Variants in CDK12 observed in about 807,000 individuals in gnomAD.
CDK12 encodes the protein cyclin dependent kinase 12.
CDK12 carries 17 observed loss-of-function variants against 133.8 expected under a neutral mutation model. The observed-to-expected ratio is 0.13, with a 90% CI of 0.09 to 0.19. The LOEUF (loss-of-function observed/expected upper bound fraction) is 0.19. CDK12 is among the 10% of genes least tolerant of loss of function. The pLI, the probability that CDK12 is intolerant of heterozygous loss-of-function variation, is 1.00. For synonymous variants in CDK12, 694 were observed against 683.6 expected (o/e 1.02, Z -0.24); for missense variants, 1,508 against 1,818.7 (o/e 0.83, Z 3.11).
chr17:39,506,537 T>C (rs1404939390), intron 6 of CDK12, among the ~76,000 whole-genome samples: 1 of 152,076 alleles, frequency 6.6e-6, no homozygotes, highest in Non-Finnish European at 1.5e-5. Flanking sequence ...TTTTATTCTT[T>C]ACACTTGTGT....
rs2049798045 is a variant in CDK12, at chr17:39,471,570, A to G, written c.1738A>G (p.Ser580Gly). The change falls in exon 2 of 14, where the codon AGT (serine) becomes GGT (glycine). Residue 580 changes from serine to glycine, a missense_variant. Coordinates refer to ENST00000447079, the MANE Select transcript of CDK12 (RefSeq NM_016507.4). ...AGCATTTAGTCAGGTTCCTGCTTCC[A>G]GTACTTCAACTTTGCCCCCTTCTAC... ...QPAFSQVPASSTSTLPPSTHS... is the reference protein window; with the variant it reads ...QPAFSQVPASGTSTLPPSTHS... 7 of 1,613,888 alleles carry G rather than the reference A, an allele frequency of 4.3e-6. No individual in the cohort carries two copies. In the African/African-American group the frequency reaches 6.7e-5, roughly 15 times the overall value.
chr17:39,538,151 CTG>C (rs1156460203), downstream of CDK12, among the ~76,000 whole-genome samples: 2 of 152,144 alleles, frequency 1.3e-5, no homozygotes, highest in African/African-American at 4.8e-5. Context: ...TTACTTAACA[CTG>C]TTATCTACAT....
chr17:39,494,444 G>C, intron 4 of CDK12, 80 bp from the exon 5 acceptor site: 1 of 1,194,508 alleles, frequency 8.4e-7, no homozygotes, highest in Non-Finnish European at 1.2e-6. Context: ...TTGTCTTCCA[G>C]AGCAAGGGCA....
chr17:39,494,449 A>G, intron 4 of CDK12, 75 bp from the exon 5 acceptor site: 1 of 1,222,448 alleles, frequency 8.2e-7, no homozygotes. Flanking sequence ...TTCCAGAGCA[A>G]GGGCATATAT....
rs1469126369 is a variant in CDK12 at position 39,462,825 on chromosome 17, C to A, written c.754C>A (p.Arg252=). 2 of 1,614,058 alleles carry A rather than the reference C, an allele frequency of 1.2e-6. No individual in the cohort carries two copies. The highest frequency in any genetic ancestry group is 1.7e-5 in the Admixed American group (1 of 59,996). ...YGQDYDLSPS[R]SHTSSNYDSY... ...CCAAGATTATGACCTTAGTCCCTCA[C>A]GATCTCATACCTCGAGCAATTATGA... is the stretch of plus-strand genomic sequence containing the variant. The change falls in exon 1 of 14, where the codon CGA becomes AGA. Residue 252 remains arginine, a synonymous_variant. Transcript: ENST00000447079.
chr17:39,510,385 C>T (rs1202626966), intron 7 of CDK12, among the ~76,000 whole-genome samples: 2 of 152,034 alleles, frequency 1.3e-5, no homozygotes, highest in African/African-American at 4.8e-5. Flanking sequence ...TCTCAGAGTG[C>T]TGGGATTACA....
intron 6 of CDK12, among the ~76,000 whole-genome samples, chr17:39,503,010 TAGA>T (rs2052835607): frequency 6.6e-6 from 1 of 151,914 alleles, no homozygotes; most frequent in Non-Finnish European, 1.5e-5. Flanking sequence ...ACCCAGGAGG[TAGA>T]GGTTACAGTG....
intron 1 of CDK12, among the ~76,000 whole-genome samples, chr17:39,540,562 C>T (rs918176035): frequency 6.6e-5 from 10 of 152,214 alleles, no homozygotes; most frequent in Admixed American, 5.2e-4. Flanking sequence ...GTTTCTTCCC[C>T]TTTAATGCTT....
At chr17:39,526,935 C>T (rs1166029516) in intron 13 of CDK12, among the ~76,000 whole-genome samples, 1 of 151,792 alleles carries the variant, frequency 6.6e-6, no homozygotes, top group Admixed American at 6.6e-5. Context: ...TCAGGAAGTG[C>T]GTGTATTATA....
chr17:39,552,015 C>T (rs1198696189), intron 2 of CDK12, among the ~76,000 whole-genome samples: 1 of 152,080 alleles, frequency 6.6e-6, no homozygotes, highest in Non-Finnish European at 1.5e-5. Context: ...CAACACCCTT[C>T]CCCCACCCAA....
At chr17:39,556,820 G>A (rs1200261625) in intron 3 of CDK12, 1 of 152,150 alleles carries the variant, frequency 6.6e-6, no homozygotes, top group Non-Finnish European at 1.5e-5. Context: ...GTGTGGAGGA[G>A]GGAGGGGGCA....
intron 12 of CDK12, 141 bp from the exon 13 acceptor site, chr17:39,525,723 C>A: frequency 3.1e-6 from 2 of 648,156 alleles, no homozygotes; most frequent in South Asian, 4.0e-5. Context: ...TGTGTCATGA[C>A]ATTTTGAGGC....
In CDK12 at chr17:39,471,575, T is replaced by G. The variant is rs1274805953; in HGVS notation, c.1743T>G (p.Thr581=). The G allele has an allele frequency of 6.2e-7, 1 of 1,614,090 alleles. No individual in the cohort carries two copies. The highest frequency in any genetic ancestry group is 1.3e-5 in the African/African-American group (1 of 75,018). Residue 581 remains threonine, a synonymous_variant, in exon 2 of 14, where the codon ACT becomes ACG. Transcript: ENST00000447079. ...PAFSQVPASS[T]STLPPSTHSK... is the part of the protein sequence containing the mutation. ...TTAGTCAGGTTCCTGCTTCCAGTAC[T>G]TCAACTTTGCCCCCTTCTACTCACT...
intron 7 of CDK12, among the ~76,000 whole-genome samples, chr17:39,509,964 G>A (rs2053378227): frequency 6.6e-6 from 1 of 151,800 alleles, no homozygotes; most frequent in Admixed American, 6.6e-5. Context: ...ATCACACCTG[G>A]CTAATTTTTG....
chr17:39,478,200 A>T (rs1023567897), intron 2 of CDK12, among the ~76,000 whole-genome samples: 5 of 146,942 alleles, frequency 3.4e-5, no homozygotes, highest in Non-Finnish European at 6.0e-5. Flanking sequence ...TTTGGCCATT[A>T]TTTTTTTTTT....
chr17:39,528,673 G>A (rs2054636008), intron 13 of CDK12, among the ~76,000 whole-genome samples: 1 of 152,130 alleles, frequency 6.6e-6, no homozygotes, highest in Non-Finnish European at 1.5e-5. Flanking sequence ...TTACACATAT[G>A]AAAGAATTTG....
At chr17:39,559,742 G>A (rs577855687) in intron 3 of CDK12, among the ~76,000 whole-genome samples, 2 of 151,976 alleles carry the variant, frequency 1.3e-5, no homozygotes, top group South Asian at 2.1e-4. Context: ...GGAAGACTGA[G>A]GTGGGAGGAT....
chr17:39,472,400 G>A (rs954569906), intron 2 of CDK12, among the ~76,000 whole-genome samples: 2 of 152,062 alleles, frequency 1.3e-5, no homozygotes, highest in Non-Finnish European at 2.9e-5. Flanking sequence ...TAGGCTGTAT[G>A]CAGTGACTCA....
rs769375901 is a variant in CDK12, at chr17:39,517,382, C to T, written c.2847-58C>T. 1.1e-4 allele frequency: 112 copies of T among 981,258 alleles called. 1 individual carries two copies. The highest frequency in any genetic ancestry group is 1.7e-4 in the Non-Finnish European group (103 of 617,590). 60.8% of individuals were successfully genotyped at this position (981,258 alleles called of 1,614,324 possible). On this transcript the variant is annotated intron_variant, in intron 9 of 13. Transcript: ENST00000447079. ...TAATAATTTCTGCTTCTGAAACCTC[C>T]GGAATTCATGATGTTGACTCACTCA...
Sources: allele counts gnomAD v4.1 joint callset (sites outside exome capture counted in the v4.1 genomes callset), GRCh38; gene constraint gnomAD v4.1.1; transcripts MANE v1.5; gene names NCBI Gene and HGNC (gene_info 2026-07-23, HGNC 2026-07-21).